Variants in SNPH observed in about 807,000 individuals in gnomAD.
SNPH encodes the protein syntaphilin.
Under a neutral mutation model 36.8 loss-of-function variants are expected in SNPH, and 10 were observed. The observed-to-expected ratio is 0.27, with a 90% confidence interval of 0.17 to 0.46. SNPH has a LOEUF of 0.46. Ranked by LOEUF, SNPH falls within the 20% of genes least tolerant of loss-of-function variation. The pLI, the probability that SNPH is intolerant of heterozygous loss-of-function variation, is 1.00. For missense variants in SNPH, 622 were observed against 744.0 expected (o/e 0.84, Z 1.91); for synonymous variants, 281 against 312.2 (o/e 0.90, Z 1.05).
rs554905270 is a variant in SNPH at position 1,291,936 on chromosome 20, C to G, written c.-492-3015C>G. Among the ~76,000 whole-genome samples, 29 of 152,142 alleles carry G rather than the reference C, an allele frequency of 1.9e-4. No homozygotes were observed. The South Asian group carries it at 5.8e-3, about 31-fold the overall frequency. On this transcript the variant is annotated intron_variant, in intron 2 of 6. Transcript: ENST00000381867. ...TTTTACATATGTGGAAACTGAGACCCGAAAGTCCTAGTAATGAAGGAGAAA... is the reference window on the plus strand; with the variant it reads ...TTTTACATATGTGGAAACTGAGACCGGAAAGTCCTAGTAATGAAGGAGAAA...
intron 2 of SNPH, among the ~76,000 whole-genome samples, chr20:1,274,935 CCAGCCTCCCTTT>C (rs1158648037): frequency 6.6e-6 from 1 of 152,216 alleles, no homozygotes; most frequent in Non-Finnish European, 1.5e-5. Context: ...CGCCTCCCTT[CCAGCCTCCCTTT>C]CAGAAGTGGC....
intron 2 of SNPH, among the ~76,000 whole-genome samples, chr20:1,272,494 C>T (rs745697680): frequency 2.6e-5 from 4 of 152,220 alleles, no homozygotes; most frequent in Non-Finnish European, 4.4e-5. Context: ...CCAATGTTGT[C>T]AGATCTTCTG....
At chr20:1,278,146 ATGTG>A (rs1161671204) in intron 2 of SNPH, among the ~76,000 whole-genome samples, 2 of 97,378 alleles carry the variant, frequency 2.1e-5, no homozygotes, top group Non-Finnish European at 4.3e-5. Flanking sequence ...GTGTGTGCCT[ATGTG>A]TGTGTGTCTG....
chr20:1,271,083 C>T (rs2088067082), intron 2 of SNPH, among the ~76,000 whole-genome samples: 1 of 152,222 alleles, frequency 6.6e-6, no homozygotes, highest in South Asian at 2.1e-4. Context: ...TTGTCGCATA[C>T]TCAGCACTGT....
rs770750905 is a variant in SNPH, at chr20:1,296,418, G to A, written c.179G>A (p.Arg60His). The A allele has an allele frequency of 3.1e-5, 49 of 1,596,996 alleles. No homozygotes were observed. The highest frequency in any genetic ancestry group is 3.6e-5 in the Non-Finnish European group (42 of 1,172,656). Reference protein sequence around the residue: ...PGSRRTSAGSRRRTSPPVSVR... With the variant: ...PGSRRTSAGSHRRTSPPVSVR... ...AGTAGACGGACCTCTGCTGGATCAC[G>A]CAGGTGAGTCTCCCCCTCGCTCACA... Residue 60 changes from arginine to histidine, a missense_variant, in exon 4 of 7, where the codon CGC becomes CAC. Coordinates refer to ENST00000381867, the MANE Select transcript of SNPH (RefSeq NM_001318234.2).
intron 2 of SNPH, among the ~76,000 whole-genome samples, chr20:1,286,252 T>G (rs1329332736): frequency 6.6e-6 from 1 of 152,160 alleles, no homozygotes; most frequent in Non-Finnish European, 1.5e-5. Context: ...AGGCATTTAT[T>G]AATCACCCAC....
At chr20:1,277,430 T>C (rs909058493) in intron 2 of SNPH, among the ~76,000 whole-genome samples, 3 of 151,926 alleles carry the variant, frequency 2.0e-5, no homozygotes, top group African/African-American at 7.3e-5. Flanking sequence ...TGTGTCTGTG[T>C]ATGTGTGCCT....
At chr20:1,271,886 G>A (rs1464065729) in intron 2 of SNPH, among the ~76,000 whole-genome samples, 1 of 152,180 alleles carries the variant, frequency 6.6e-6, no homozygotes, top group Non-Finnish European at 1.5e-5. Flanking sequence ...CAGGAAGTCT[G>A]TAGCAGAGCA....
At chr20:1,292,972 G>T (rs79087076) in intron 2 of SNPH, among the ~76,000 whole-genome samples, 5,812 of 152,304 alleles carry the variant, frequency 0.038, 159 homozygotes, top group Middle Eastern at 0.12. Flanking sequence ...CAAAATACTG[G>T]CTGCCCCCAT....
At chr20:1,284,106 G>A (rs1239917857) in intron 2 of SNPH, among the ~76,000 whole-genome samples, 1 of 152,200 alleles carries the variant, frequency 6.6e-6, no homozygotes, top group African/African-American at 2.4e-5. Context: ...CTTGCATATA[G>A]TCATTACAGC....
In SNPH at chr20:1,306,097, T is replaced by C. The variant is rs1236482598; in HGVS notation, c.*43T>C. 2 of 1,371,082 alleles carry C rather than the reference T, an allele frequency of 1.5e-6. No homozygotes were observed. The highest frequency in any genetic ancestry group is 1.9e-6 in the Non-Finnish European group (2 of 1,052,884). 84.9% of individuals were successfully genotyped at this position (1,371,082 alleles called of 1,614,324 possible). On this transcript the variant is annotated 3_prime_UTR_variant, in exon 7 of 7. Coordinates refer to ENST00000381867, the MANE Select transcript of SNPH (RefSeq NM_001318234.2). ...GCGGCGCCTGCGGCCTGACCACTGA[T>C]TGTAGGGATGCCGTTCCCCCCTCCC...
At chr20:1,279,421 G>C (rs1402488915) in intron 2 of SNPH, among the ~76,000 whole-genome samples, 1 of 152,122 alleles carries the variant, frequency 6.6e-6, no homozygotes, top group Admixed American at 6.5e-5. Flanking sequence ...TGGGCTGTTG[G>C]CCTTCTTATT....
intron 2 of SNPH, among the ~76,000 whole-genome samples, chr20:1,282,537 G>A (rs1274108458): frequency 2.0e-5 from 3 of 152,114 alleles, no homozygotes; most frequent in South Asian, 2.1e-4. Context: ...GGCCTGAGAA[G>A]GGGCAGCAAT....
In SNPH at chr20:1,268,122, C is replaced by A. The variant is rs141576833; in HGVS notation, c.-493+1362C>A. 9.7e-4 allele frequency among the ~76,000 whole-genome samples: 148 copies of A among 152,292 alleles called. 1 individual carries two copies. In the Middle Eastern group the frequency reaches 0.017, roughly 18 times the overall value. ...GTGTCCCTGCCAGGGGTAATGAATG[C>A]TGAAGTGTATTGGGTCACCAGGCTG... On this transcript the variant is annotated intron_variant, in intron 2 of 6. Transcript: ENST00000381867.
At chr20:1,281,802 G>A (rs1035789799) in intron 2 of SNPH, among the ~76,000 whole-genome samples, 1 of 152,236 alleles carries the variant, frequency 6.6e-6, no homozygotes, top group East Asian at 1.9e-4. Context: ...ATAGACACTT[G>A]GTAAATATTG....
intron 2 of SNPH, among the ~76,000 whole-genome samples, chr20:1,280,809 C>A (rs2088208617): frequency 6.6e-6 from 1 of 152,210 alleles, no homozygotes; most frequent in African/African-American, 2.4e-5. Flanking sequence ...CTTCCCTCAG[C>A]AGGTGTTTAC....
Position 1,268,711 on chromosome 20 carries a change from C to T in SNPH, c.-493+1951C>T, listed in dbSNP as rs1266559026. Among the ~76,000 whole-genome samples the T allele has an allele frequency of 4.0e-5, 6 of 151,726 alleles. No individual in the cohort carries two copies. The East Asian group carries it at 7.8e-4, about 20-fold the overall frequency. ...ATGAGTAGGCCCAAAGTAGGTGCTC[C>T]GTAAGTGTTGAATGAAACAAACTTG... On this transcript the variant is annotated intron_variant, in intron 2 of 6. Coordinates refer to ENST00000381867, the MANE Select transcript of SNPH (RefSeq NM_001318234.2).
At chr20:1,289,277 G>A (rs1401283838) in intron 2 of SNPH, among the ~76,000 whole-genome samples, 1 of 152,088 alleles carries the variant, frequency 6.6e-6, no homozygotes, top group Non-Finnish European at 1.5e-5. Flanking sequence ...TTTGTGTGAG[G>A]ATTCAACGAA....
chr20:1,277,769 C>T lies in SNPH; in HGVS notation c.-493+11009C>T, dbSNP rs528322654. On this transcript the variant is annotated intron_variant, in intron 2 of 6. Coordinates refer to ENST00000381867, the MANE Select transcript of SNPH (RefSeq NM_001318234.2). Reference sequence around the variant, plus strand: ...TGTCTGTGTGTGTGTGTGTCAGTGTCTGTCTCTGTGTGTGCCTGTGTATGT... The same window carrying T: ...TGTCTGTGTGTGTGTGTGTCAGTGTTTGTCTCTGTGTGTGCCTGTGTATGT... Among the ~76,000 whole-genome samples, 17 of 126,744 alleles carry T rather than the reference C, an allele frequency of 1.3e-4. No individual in the cohort carries two copies. The South Asian group carries it at 4.2e-3, about 31-fold the overall frequency. The allele number at this position is 126,744 out of a possible 152,430, so 83.1% of individuals were successfully genotyped here.
Sources: gnomAD v4.1 joint callset for allele counts (sites outside exome capture counted in the v4.1 genomes callset) on GRCh38, gnomAD v4.1.1 for gene constraint, MANE v1.5 for transcripts, NCBI Gene and HGNC (gene_info 2026-07-23, HGNC 2026-07-21) for gene names.